The following CASD1 variants were observed in gnomAD, a reference collection of about 807,000 sequenced individuals.
CASD1 encodes the protein CAS1 domain sialic acid O acetyltransferase 1.
In CASD1, 41 loss-of-function variants were observed where a neutral mutation model predicts 100.0. The ratio of observed to expected loss-of-function variants is 0.41; its 90% CI spans 0.32 to 0.53. The LOEUF (loss-of-function observed/expected upper bound fraction) is 0.53, where lower values mean the gene tolerates loss of function less well. Ranked by LOEUF, CASD1 falls within the 20% of genes least tolerant of loss-of-function variation. CASD1 has a pLI of 0.25. For synonymous variants in CASD1, 321 were observed against 315.6 expected (o/e 1.02, Z -0.18); for missense variants, 774 against 948.7 (o/e 0.82, Z 2.42).
At chr7:94,615,225 G>GCCT in the CASD1 span, among the ~76,000 whole-genome samples, 1 of 152,110 alleles carries the variant, frequency 6.6e-6, no homozygotes, top group Non-Finnish European at 1.5e-5. Context: ...CAGGCACAGT[G>GCCT]GCAGGTGCCT....
chr7:94,603,450 A>G, the CASD1 span: 1 of 1,612,880 alleles, frequency 6.2e-7, no homozygotes, highest in Non-Finnish European at 8.5e-7. Context: ...CATGACATAA[A>G]CGCTGTAAAA....
At chr7:94,550,946 T>TA (rs1272255357) in intron 14 of CASD1, among the ~76,000 whole-genome samples, 1 of 152,164 alleles carries the variant, frequency 6.6e-6, no homozygotes, top group African/African-American at 2.4e-5. Flanking sequence ...TTGGTGGTGT[T>TA]ATTCTTTGTT....
intron 7 of CASD1, among the ~76,000 whole-genome samples, chr7:94,534,211 G>A (rs1794999655): frequency 7.8e-6 from 1 of 127,802 alleles, no homozygotes; most frequent in Non-Finnish European, 1.6e-5. Context: ...CTCTTTCCCA[G>A]GTTGGAGTGC....
At chr7:94,583,476 G>A in the CASD1 span, among the ~76,000 whole-genome samples, 1 of 152,260 alleles carries the variant, frequency 6.6e-6, no homozygotes. Context: ...CAATTCTAAA[G>A]AACCAATTTA....
chr7:94,530,710 G>C (rs1794810364), intron 5 of CASD1, among the ~76,000 whole-genome samples: 1 of 151,986 alleles, frequency 6.6e-6, no homozygotes, highest in South Asian at 2.1e-4. Flanking sequence ...GGGTAGTCTT[G>C]GTATGGATTG....
At chr7:94,573,862 G>A in the CASD1 span, among the ~76,000 whole-genome samples, 1 of 152,072 alleles carries the variant, frequency 6.6e-6, no homozygotes, top group Non-Finnish European at 1.5e-5. Context: ...GTTGGCTGTG[G>A]GTTTGTCATA....
At chr7:94,621,992 A>G in the CASD1 span, 1 of 152,142 alleles carries the variant, frequency 6.6e-6, no homozygotes, top group Non-Finnish European at 1.5e-5. Flanking sequence ...ATACCGGTAA[A>G]CACCTGGGGG....
intron 6 of CASD1, 86 bp downstream of exon 6, chr7:94,533,335 C>A: frequency 9.4e-7 from 1 of 1,060,694 alleles, no homozygotes; most frequent in Non-Finnish European, 1.4e-6. Flanking sequence ...GTTCAGAATT[C>A]TTGATTGTAC....
At chr7:94,553,587 G>A (rs1376263349) in intron 16 of CASD1, among the ~76,000 whole-genome samples, 1 of 152,114 alleles carries the variant, frequency 6.6e-6, no homozygotes, top group Non-Finnish European at 1.5e-5. Context: ...CCTTTTGTAA[G>A]AGAAAGTTTC....
At chr7:94,595,468 T>G in the CASD1 span, among the ~76,000 whole-genome samples, 3 of 152,146 alleles carry the variant, frequency 2.0e-5, no homozygotes, top group Admixed American at 6.6e-5. Flanking sequence ...AATGATAAAT[T>G]CAGTACACTT....
At chr7:94,517,148 C>T (rs762453890) in intron 1 of CASD1, among the ~76,000 whole-genome samples, 2 of 152,148 alleles carry the variant, frequency 1.3e-5, no homozygotes, top group Non-Finnish European at 2.9e-5. Context: ...GAGTGATCTG[C>T]CCACCTAGGC....
At chr7:94,587,322 A>G in the CASD1 span, 1 of 1,000,750 alleles carries the variant, frequency 1.0e-6, no homozygotes, top group Non-Finnish European at 1.2e-6. Context: ...TGGGTAAGTA[A>G]GTAAAATCTG....
At chr7:94,557,047 A>G (rs1019699523), downstream of CASD1, 7 of 152,042 alleles carry the variant, frequency 4.6e-5, no homozygotes, top group African/African-American at 1.7e-4. Context: ...ATTGGTTCAA[A>G]TATCTAATTA....
the CASD1 span, chr7:94,619,141 A>C: frequency 1.7e-6 from 1 of 598,470 alleles, no homozygotes. Context: ...TGACATTAGA[A>C]ACAGAACTTT....
chr7:94,607,321 A>G, the CASD1 span, among the ~76,000 whole-genome samples: 2 of 152,170 alleles, frequency 1.3e-5, no homozygotes, highest in African/African-American at 4.8e-5. Flanking sequence ...TTACCTTAAT[A>G]CCAAAACCAG....
the CASD1 span, chr7:94,585,278 T>C: frequency 3.5e-5 from 17 of 486,310 alleles, no homozygotes; most frequent in Middle Eastern, 5.3e-4. Flanking sequence ...GTAACAAATA[T>C]AAAGTCATCA....
At chr7:94,562,237 T>C in the CASD1 span, among the ~76,000 whole-genome samples, 1 of 152,224 alleles carries the variant, frequency 6.6e-6, no homozygotes, top group Admixed American at 6.5e-5. Flanking sequence ...TGGTATTGTT[T>C]ATATTAGTCT....
At chr7:94,517,432 A>AC (rs1238548943) in intron 1 of CASD1, 128 bp from the exon 2 acceptor site, 6 of 538,098 alleles carry the variant, frequency 1.1e-5, no homozygotes, top group African/African-American at 1.9e-5. Flanking sequence ...GGAACTGTGA[A>AC]CCTGGGCGGT....
chr7:94,588,564 G>A, the CASD1 span: 4 of 1,526,300 alleles, frequency 2.6e-6, no homozygotes, highest in Non-Finnish European at 3.5e-6. Flanking sequence ...GTCTGATTAA[G>A]GAATGACACA....
Sources: allele counts gnomAD v4.1 joint callset (sites outside exome capture counted in the v4.1 genomes callset), GRCh38; gene constraint gnomAD v4.1.1; transcripts MANE v1.5; gene names NCBI Gene and HGNC (gene_info 2026-07-23, HGNC 2026-07-21).